Variants in THSD4 observed in about 807,000 individuals in gnomAD.
THSD4 encodes thrombospondin type-1 domain-containing protein 4.
THSD4 carries 69 observed loss-of-function variants against 119.0 expected under a neutral mutation model. The ratio of observed to expected loss-of-function variants is 0.58; its 90% CI spans 0.48 to 0.71. THSD4 has a LOEUF of 0.71. Among genes scored for constraint, THSD4 ranks in the 30% least tolerant of loss-of-function variants. THSD4 has a pLI of 0.00. For missense variants in THSD4, 1,393 were observed against 1,391.1 expected, an observed-to-expected ratio of 1.00 and a Z score of -0.02; for synonymous variants, 524 against 540.4, an observed-to-expected ratio of 0.97 and a Z score of 0.42.
chr15:71,426,024 A>G (rs559849930), intron 7 of THSD4, among the ~76,000 whole-genome samples: 4 of 152,286 alleles, frequency 2.6e-5, no homozygotes, highest in African/African-American at 7.2e-5. Flanking sequence ...GTGTGAGTGC[A>G]TGCTCCCATG....
chr15:71,365,131 TTGTGTGTGTGTGTGTG>T (rs10690804), intron 6 of THSD4, among the ~76,000 whole-genome samples: 3 of 135,824 alleles, frequency 2.2e-5, no homozygotes, highest in Admixed American at 7.6e-5. Flanking sequence ...GCCCCCCCCA[TTGTGTGTGTGTGTGTG>T]TGTGTGTGTG....
intron 7 of THSD4, among the ~76,000 whole-genome samples, chr15:71,643,213 A>G (rs148859005): frequency 1.3e-3 from 196 of 152,342 alleles, no homozygotes; most frequent in African/African-American, 4.4e-3. Flanking sequence ...CATGAAAATG[A>G]TCTTGTTTCC....
chr15:71,246,805 C>G (rs2044205023), intron 5 of THSD4, among the ~76,000 whole-genome samples: 1 of 151,808 alleles, frequency 6.6e-6, no homozygotes, highest in East Asian at 1.9e-4. Flanking sequence ...TCTTTTCAAG[C>G]ACCAATCTCA....
intron 1 of THSD4, among the ~76,000 whole-genome samples, chr15:71,136,132 G>A (rs1425523058): frequency 6.6e-6 from 1 of 151,254 alleles, no homozygotes; most frequent in East Asian, 1.9e-4. Context: ...GTGTGGCCTT[G>A]GTTTGTTGTG....
chr15:71,245,746 C>A (rs2044194306), intron 5 of THSD4, among the ~76,000 whole-genome samples: 1 of 152,198 alleles, frequency 6.6e-6, no homozygotes, highest in Non-Finnish European at 1.5e-5. Context: ...AAATTCCAGA[C>A]TCCTAAAAAG....
chr15:71,601,924 T>C (rs73445703), intron 7 of THSD4, among the ~76,000 whole-genome samples: 3,353 of 152,318 alleles, frequency 0.022, 99 homozygotes, highest in African/African-American at 0.061. Context: ...TGGAAATGTT[T>C]AAAGTTAGAC....
chr15:71,207,629 T>C (rs7170643), intron 3 of THSD4, among the ~76,000 whole-genome samples: 150,287 of 152,340 alleles, frequency 0.99, 74,162 homozygotes, highest in Middle Eastern at 1. Flanking sequence ...GAGCGGCGGG[T>C]CAGCGGGCAT....
At chr15:71,469,878 A>C (rs949232772) in intron 7 of THSD4, among the ~76,000 whole-genome samples, 1 of 152,236 alleles carries the variant, frequency 6.6e-6, no homozygotes, top group Non-Finnish European at 1.5e-5. Flanking sequence ...CCATTGAGCC[A>C]ATCTAGTGGG....
At chr15:71,587,783 A>G (rs1418931879) in intron 7 of THSD4, among the ~76,000 whole-genome samples, 3 of 17,656 alleles carry the variant, frequency 1.7e-4, no homozygotes, top group African/African-American at 3.0e-4. Context: ...TAAAAAAAAA[A>G]AATTAAAAAA....
At chr15:71,517,545 C>T (rs76171579) in intron 7 of THSD4, among the ~76,000 whole-genome samples, 17,076 of 152,088 alleles carry the variant, frequency 0.11, 1,215 homozygotes, top group African/African-American at 0.19. Flanking sequence ...AATTTCAGGC[C>T]AAAGGACATT....
intron 6 of THSD4, among the ~76,000 whole-genome samples, chr15:71,403,539 A>G (rs767745198): frequency 2.0e-5 from 3 of 152,136 alleles, no homozygotes; most frequent in Non-Finnish European, 2.9e-5. Context: ...ATTGGGAGAC[A>G]CTTCTTCATG....
chr15:71,576,179 G>T (rs1165254268), intron 7 of THSD4, among the ~76,000 whole-genome samples: 1 of 151,900 alleles, frequency 6.6e-6, no homozygotes, highest in Non-Finnish European at 1.5e-5. Flanking sequence ...ATTCTTTTTG[G>T]AAATTTTGTT....
At chr15:71,522,662 GAAGAAATACAAAGC>G (rs2048460032) in intron 7 of THSD4, among the ~76,000 whole-genome samples, 1 of 152,234 alleles carries the variant, frequency 6.6e-6, no homozygotes. Flanking sequence ...AATGTGGGGT[GAAGAAATACAAAGC>G]AAGGAGAGCA....
At chr15:71,759,968 GA>G (rs1377180651) in intron 15 of THSD4, among the ~76,000 whole-genome samples, 2 of 152,160 alleles carry the variant, frequency 1.3e-5, no homozygotes, top group Non-Finnish European at 2.9e-5. Context: ...GGGCCTGCTG[GA>G]AATTCCCTGC....
At chr15:71,561,919 C>A (rs1281688645) in intron 7 of THSD4, among the ~76,000 whole-genome samples, 1 of 30,840 alleles carries the variant, frequency 3.2e-5, no homozygotes, top group African/African-American at 2.1e-4. Flanking sequence ...CACACACACA[C>A]AAACACTCAC....
chr15:71,747,199 T>C lies in THSD4; in HGVS notation c.2241+157T>C, dbSNP rs980200202. On this transcript the variant is annotated intron_variant, in intron 13 of 17. Coordinates refer to ENST00000261862, the MANE Select transcript of THSD4 (RefSeq NM_024817.3). ...ACGGCTGTTTTTGCAAACCACAGGA[T>C]GTACCAATAGTTCAATAGAGTTCAG... Among the ~76,000 whole-genome samples, 3 of 152,194 alleles carry C rather than the reference T, an allele frequency of 2.0e-5. No homozygotes were observed. In the East Asian group the frequency reaches 5.8e-4, roughly 30 times the overall value.
chr15:71,220,892 G>A (rs1445353057), intron 4 of THSD4, among the ~76,000 whole-genome samples: 1 of 152,130 alleles, frequency 6.6e-6, no homozygotes, highest in African/African-American at 2.4e-5. Context: ...TCCACAAAGG[G>A]TGGCATTCTC....
chr15:71,315,219 C>G (rs912680361), intron 6 of THSD4, among the ~76,000 whole-genome samples: 1 of 152,252 alleles, frequency 6.6e-6, no homozygotes, highest in Non-Finnish European at 1.5e-5. Context: ...GGCTGATATA[C>G]CTGCATTCAC....
intron 7 of THSD4, among the ~76,000 whole-genome samples, chr15:71,584,659 A>G (rs902752792): frequency 2.0e-5 from 3 of 152,212 alleles, no homozygotes; most frequent in African/African-American, 7.2e-5. Flanking sequence ...TTTTTAATCC[A>G]TTCAGCCATT....
Sources: gnomAD v4.1 joint callset for allele counts (sites outside exome capture counted in the v4.1 genomes callset) on GRCh38, gnomAD v4.1.1 for gene constraint, MANE v1.5 for transcripts, NCBI Gene and HGNC (gene_info 2026-07-23, HGNC 2026-07-21) for gene names.